Variants in ERC1 observed in about 807,000 individuals in gnomAD.
ERC1 encodes ELKS/RAB6-interacting/CAST family member 1, also known as RAB6 interacting protein 2.
A neutral mutation model predicts 132.0 loss-of-function variants in ERC1; 56 were observed. The ratio of observed to expected loss-of-function variants is 0.42; its 90% confidence interval spans 0.34 to 0.53. The LOEUF is 0.53. Among genes scored for constraint, ERC1 ranks in the 20% least tolerant of loss-of-function variants. The pLI is 0.03. For synonymous variants in ERC1, 478 were observed against 476.1 expected (o/e 1.00, Z -0.05); for missense variants, 1,202 against 1,349.9 (o/e 0.89, Z 1.72).
chr12:1,308,358 A>G (rs1439478569), intron 15 of ERC1, among the ~76,000 whole-genome samples: 1 of 152,154 alleles, frequency 6.6e-6, no homozygotes, highest in African/African-American at 2.4e-5. Context: ...AGTTATATTA[A>G]AATTAGGACA....
chr12:1,485,130 C>G (rs1479958173), intron 18 of ERC1, among the ~76,000 whole-genome samples: 1 of 151,230 alleles, frequency 6.6e-6, no homozygotes, highest in Non-Finnish European at 1.5e-5. Context: ...CTCAAGTGAT[C>G]TGCCTGCCTC....
At chr12:1,191,805 G>A (rs1012057625) in intron 12 of ERC1, among the ~76,000 whole-genome samples, 2 of 150,926 alleles carry the variant, frequency 1.3e-5, no homozygotes, top group South Asian at 2.1e-4. Context: ...TGGCCCTATT[G>A]CATTATAATT....
At chr12:1,103,349 T>C (rs1944889060) in intron 3 of ERC1, among the ~76,000 whole-genome samples, 1 of 152,150 alleles carries the variant, frequency 6.6e-6, no homozygotes, top group Non-Finnish European at 1.5e-5. Flanking sequence ...CCGAGAGGAC[T>C]TGGGCTCTAG....
rs1353756467 is a variant in ERC1, at chr12:1,393,638, G to GTC, written c.2926-14510_2926-14509insCT. Among the ~76,000 whole-genome samples, 8 of 145,784 alleles carry GTC rather than the reference G, an allele frequency of 5.5e-5. 1 individual carries two copies. The highest frequency in any genetic ancestry group is 2.2e-4 in the African/African-American group (8 of 37,076). ...TGTGTGTGTGTGTGTGTGTGTGTGT[G>GTC]TGTGTGTGTGTAAAGTGCTTGGATT... On this transcript the variant is annotated intron_variant, in intron 16 of 18. Transcript: ENST00000360905.
rs569931292 is a variant in ERC1 at position 1,211,690 on chromosome 12, G to C, written c.2351+21638G>C. On this transcript the variant is annotated intron_variant, in intron 12 of 18. Transcript: ENST00000360905. ...TTCTTTTGCCTCAGCCTCTCTAGTA[G>C]CTGGGATTACAGGCACTCACCACCA... 5.3e-3 allele frequency among the ~76,000 whole-genome samples: 806 copies of C among 151,880 alleles called. 4 individuals carry two copies. The highest frequency in any genetic ancestry group is 0.012 in the South Asian group (58 of 4,802).
chr12:1,108,141 G>T (rs1354690849), intron 4 of ERC1, among the ~76,000 whole-genome samples: 2 of 152,150 alleles, frequency 1.3e-5, no homozygotes, highest in Non-Finnish European at 2.9e-5. Flanking sequence ...TTCCTTGGTA[G>T]GTTCTTCTTC....
chr12:1,261,700 A>G (rs1447406912), intron 13 of ERC1, among the ~76,000 whole-genome samples: 1 of 151,348 alleles, frequency 6.6e-6, no homozygotes, highest in Non-Finnish European at 1.5e-5. Context: ...TGTTTGATAC[A>G]GATAAACTGC....
intron 1 of ERC1, chr12:1,020,617 A>G (rs1246704362): frequency 2.0e-5 from 3 of 152,190 alleles, no homozygotes; most frequent in Non-Finnish European, 4.4e-5. Flanking sequence ...CTTTGAAGCT[A>G]TCTCACGTGG....
At chr12:1,171,161 C>T (rs978191433) in intron 8 of ERC1, among the ~76,000 whole-genome samples, 16 of 152,208 alleles carry the variant, frequency 1.1e-4, no homozygotes, top group African/African-American at 2.9e-4. Flanking sequence ...ACTTGCTACC[C>T]GACATCTTTG....
intron 1 of ERC1, among the ~76,000 whole-genome samples, chr12:1,016,119 A>G (rs1965463010): frequency 6.6e-6 from 1 of 151,708 alleles, no homozygotes; most frequent in Non-Finnish European, 1.5e-5. Flanking sequence ...TCAGAATTTC[A>G]CATATAATTA....
chr12:1,115,349 A>T (rs1257366669), intron 6 of ERC1, among the ~76,000 whole-genome samples: 1 of 152,232 alleles, frequency 6.6e-6, no homozygotes, highest in Non-Finnish European at 1.5e-5. Context: ...ATTTTATGCA[A>T]ACTTTTGAGA....
At chr12:1,354,479 C>G (rs570865446) in intron 15 of ERC1, among the ~76,000 whole-genome samples, 1 of 151,970 alleles carries the variant, frequency 6.6e-6, no homozygotes, top group South Asian at 2.1e-4. Flanking sequence ...GCCGAGATTG[C>G]CCCGTTGCAT....
chr12:1,335,316 G>C (rs951070678), intron 15 of ERC1, among the ~76,000 whole-genome samples: 2 of 152,114 alleles, frequency 1.3e-5, no homozygotes, highest in South Asian at 4.1e-4. Flanking sequence ...AGTTTTTCAA[G>C]GGGAATGCCT....
At chr12:1,488,721 C>A (rs1331302590) in intron 18 of ERC1, among the ~76,000 whole-genome samples, 1 of 152,168 alleles carries the variant, frequency 6.6e-6, no homozygotes. Flanking sequence ...TCCTTTCTTT[C>A]CTAAAACCTG....
chr12:1,196,394 T>C (rs1372675300), intron 12 of ERC1, among the ~76,000 whole-genome samples: 1 of 152,140 alleles, frequency 6.6e-6, no homozygotes, highest in Non-Finnish European at 1.5e-5. Flanking sequence ...ACCCAAAAAT[T>C]TTAATGCAGT....
intron 12 of ERC1, 126 bp from the exon 13 acceptor site, chr12:1,236,643 T>A (rs1348839988): frequency 3.4e-6 from 3 of 890,928 alleles, no homozygotes; most frequent in Admixed American, 2.9e-5. Flanking sequence ...TTGAAAAATT[T>A]CGCAGCATGT....
intron 3 of ERC1, among the ~76,000 whole-genome samples, chr12:1,094,627 T>C (rs1943770945): frequency 1.3e-5 from 2 of 152,138 alleles, no homozygotes; most frequent in Non-Finnish European, 2.9e-5. Context: ...GTCAGGCTGG[T>C]CTCGAACTCC....
Position 1,028,328 on chromosome 12 carries a change from C to T in ERC1, c.425C>T (p.Ser142Phe). 6.2e-7 allele frequency: 1 copy of T among 1,614,154 alleles called. No individual in the cohort carries two copies. The highest frequency in any genetic ancestry group is 8.5e-7 in the Non-Finnish European group (1 of 1,180,028). Reference protein sequence around the residue: ...PVSMASTVPHSLRQARDNTIM... With the variant: ...PVSMASTVPHFLRQARDNTIM... Reference sequence around the variant, plus strand: ...AGTATGGCATCCACTGTACCTCACTCCCTTCGTCAGGCGAGAGATAACACA... The same window carrying T: ...AGTATGGCATCCACTGTACCTCACTTCCTTCGTCAGGCGAGAGATAACACA... The change falls in exon 2 of 19, where the codon TCC becomes TTC. Residue 142 changes from serine to phenylalanine, a missense_variant. Transcript: ENST00000360905.
intron 16 of ERC1, among the ~76,000 whole-genome samples, chr12:1,404,861 G>A (rs112683006): frequency 0.026 from 4,030 of 152,194 alleles, 66 homozygotes; most frequent in Middle Eastern, 0.055. Context: ...GGGGAGAGCC[G>A]GGCGCAGTGG....
Sources: gnomAD v4.1 joint callset for allele counts (sites outside exome capture counted in the v4.1 genomes callset) on GRCh38, gnomAD v4.1.1 for gene constraint, MANE v1.5 for transcripts, NCBI Gene and HGNC (gene_info 2026-07-23, HGNC 2026-07-21) for gene names.